Variants in GPC5 observed in about 807,000 individuals in gnomAD.
GPC5 encodes the protein glypican 5.
Under a neutral mutation model 53.9 loss-of-function variants are expected in GPC5, and 47 were observed. The observed-to-expected ratio is 0.87, with a 90% CI of 0.69 to 1.11. GPC5 has a LOEUF of 1.11. GPC5 is among the 50% of genes most tolerant of loss of function. The probability of loss-of-function intolerance (pLI) is 0.00; values close to 1 mark genes in which losing one functional copy is unlikely to be tolerated. For synonymous variants in GPC5, 286 were observed against 263.3 expected, an observed-to-expected ratio of 1.09 and a Z score of -0.84; for missense variants, 748 against 713.1, an observed-to-expected ratio of 1.05 and a Z score of -0.56.
chr13:91,882,240 A>G (rs951510865), intron 5 of GPC5, among the ~76,000 whole-genome samples: 2 of 152,086 alleles, frequency 1.3e-5, no homozygotes, highest in Non-Finnish European at 2.9e-5. Flanking sequence ...AAAAATATAT[A>G]TTGAGGTTTT....
At chr13:91,678,810 T>A (rs900108392) in intron 2 of GPC5, among the ~76,000 whole-genome samples, 1 of 152,030 alleles carries the variant, frequency 6.6e-6, no homozygotes, top group African/African-American at 2.4e-5. Context: ...GTTATCATTA[T>A]GTAATTTGAG....
intron 7 of GPC5, among the ~76,000 whole-genome samples, chr13:92,645,525 C>T (rs563905595): frequency 3.3e-5 from 5 of 152,188 alleles, no homozygotes; most frequent in South Asian, 2.1e-4. Context: ...ATATGTATTA[C>T]GTTTTCCTTG....
In GPC5 at chr13:91,604,697, T is replaced by C. The variant is rs1300078050; in HGVS notation, c.326-88490T>C. ...GTGGTTTTGATTTGCATTTCTCTGA[T>C]GGCCAGTGATGATGAGCATTTTTTC... On this transcript the variant is annotated intron_variant, in intron 2 of 7. Coordinates refer to ENST00000377067, the MANE Select transcript of GPC5 (RefSeq NM_004466.6). 6.0e-3 allele frequency among the ~76,000 whole-genome samples: 790 copies of C among 132,338 alleles called. 5 individuals carry two copies. The highest frequency in any genetic ancestry group is 0.023 in the African/African-American group (763 of 32,760). 86.8% of individuals were successfully genotyped at this position (132,338 alleles called of 152,430 possible). A position where few individuals can be genotyped will look rare whatever the true frequency, so the allele number is the denominator to read the frequency against.
chr13:92,009,456 C>A, intron 6 of GPC5, among the ~76,000 whole-genome samples: 1 of 152,116 alleles, frequency 6.6e-6, no homozygotes, highest in African/African-American at 2.4e-5. Context: ...ACTCTACTAA[C>A]TATTCAATGA....
chr13:91,807,986 A>G (rs1049106294), intron 5 of GPC5, among the ~76,000 whole-genome samples: 2 of 152,144 alleles, frequency 1.3e-5, no homozygotes, highest in Non-Finnish European at 2.9e-5. Context: ...TTCACTGTTG[A>G]ATGTATTTGG....
At chr13:92,042,244 A>G (rs892731688) in intron 6 of GPC5, among the ~76,000 whole-genome samples, 25 of 152,122 alleles carry the variant, frequency 1.6e-4, no homozygotes, top group African/African-American at 1.2e-4. Flanking sequence ...GTTTTTGGCT[A>G]CAAGCTGGAC....
intron 7 of GPC5, chr13:92,239,829 A>ATAGATCACCTAAG: frequency 3.2e-5 from 1 of 31,140 alleles, no homozygotes; most frequent in Admixed American, 3.7e-4. Flanking sequence ...AGTATATTTA[A>ATAGATCACCTAAG]ATATGCATTT....
chr13:91,672,436 G>A (rs342681), intron 2 of GPC5, among the ~76,000 whole-genome samples: 33,849 of 151,866 alleles, frequency 0.22, 5,071 homozygotes, highest in African/African-American at 0.43. Context: ...ATATGAACAG[G>A]CACTTCTCAA....
intron 6 of GPC5, among the ~76,000 whole-genome samples, chr13:92,104,743 A>C (rs1270440130): frequency 6.6e-6 from 1 of 152,166 alleles, no homozygotes; most frequent in Non-Finnish European, 1.5e-5. Context: ...TTTGTGCCTC[A>C]GAGGTCCTTA....
Position 92,071,777 on chromosome 13 carries a change from A to G in GPC5, c.1402-73053A>G, listed in dbSNP as rs11843058. ...TTTATATGTTTTTTCAAGAGAAAAG[A>G]CACAATTTTTTTTATCCAATGTGCC... On this transcript the variant is annotated intron_variant, in intron 6 of 7. Transcript: ENST00000377067. Among the ~76,000 whole-genome samples the G allele has an allele frequency of 2.0e-3, 306 of 150,394 alleles. 2 individuals are homozygous for G. Among genetic ancestry groups the G allele is most frequent in the African/African-American group, 7.0e-3 (290 of 41,244 alleles).
intron 4 of GPC5, among the ~76,000 whole-genome samples, chr13:91,738,857 A>G (rs1291355850): frequency 6.6e-6 from 1 of 151,316 alleles, no homozygotes; most frequent in Non-Finnish European, 1.5e-5. Context: ...ATATTTTCAC[A>G]ATCCCCAGGA....
intron 2 of GPC5, among the ~76,000 whole-genome samples, chr13:91,536,189 T>C (rs1016981976): frequency 1.3e-5 from 2 of 152,196 alleles, no homozygotes; most frequent in Non-Finnish European, 2.9e-5. Context: ...AATTTGCTCC[T>C]CTATAAAAAC....
At chr13:92,004,438 C>T (rs1358678041) in intron 6 of GPC5, among the ~76,000 whole-genome samples, 43 of 55,682 alleles carry the variant, frequency 7.7e-4, no homozygotes, top group African/African-American at 3.6e-3. Flanking sequence ...AGTGAGACTC[C>T]GTCTCAAAAA....
rs117938491 is a variant in GPC5 at position 91,517,284 on chromosome 13, C to A, written c.325+68362C>A. On this transcript the variant is annotated intron_variant, in intron 2 of 7. Transcript: ENST00000377067. ...AATGCCTTTAACAGCACCCAAATCACATCTTCAGTGCTTTGCTGCTCAGAA... is the reference window on the plus strand; with the variant it reads ...AATGCCTTTAACAGCACCCAAATCAAATCTTCAGTGCTTTGCTGCTCAGAA... Among the ~76,000 whole-genome samples, 25 of 152,340 alleles carry A rather than the reference C, an allele frequency of 1.6e-4. No individual in the cohort carries two copies. In the East Asian group the frequency reaches 4.8e-3, roughly 29 times the overall value.
chr13:92,629,870 G>A (rs1258699186), intron 7 of GPC5, among the ~76,000 whole-genome samples: 1 of 152,138 alleles, frequency 6.6e-6, no homozygotes, highest in African/African-American at 2.4e-5. Context: ...CGATTTTTCT[G>A]TAATTCTGTT....
intron 7 of GPC5, among the ~76,000 whole-genome samples, chr13:92,564,687 T>C (rs1490314801): frequency 6.6e-6 from 1 of 151,994 alleles, no homozygotes. Flanking sequence ...CTCTCCTCCC[T>C]CTAGCAGACC....
intron 7 of GPC5, among the ~76,000 whole-genome samples, chr13:92,647,870 G>A (rs1464488216): frequency 6.6e-6 from 1 of 151,900 alleles, no homozygotes; most frequent in Non-Finnish European, 1.5e-5. Context: ...GTGTCTGTTA[G>A]GGGTCCAGGC....
intron 6 of GPC5, among the ~76,000 whole-genome samples, chr13:92,076,391 T>C (rs1194921912): frequency 6.6e-6 from 1 of 152,114 alleles, no homozygotes; most frequent in Non-Finnish European, 1.5e-5. Context: ...TTTCATAGTT[T>C]CTTATTTATC....
Position 91,899,671 on chromosome 13 carries a change from G to A in GPC5, c.1281-8266G>A, listed in dbSNP as rs560913583. ...GATGAGGTCATCCTGGATGAAGGTG[G>A]GCCCTAAATCCAATGTAAATGTCCT... On this transcript the variant is annotated intron_variant, in intron 5 of 7. Transcript: ENST00000377067. Among the ~76,000 whole-genome samples the A allele has an allele frequency of 6.6e-5, 10 of 152,148 alleles. No individual in the cohort carries two copies. In the South Asian group the frequency reaches 2.1e-3, roughly 32 times the overall value.
Sources: gnomAD v4.1 joint callset for allele counts (sites outside exome capture counted in the v4.1 genomes callset) on GRCh38, gnomAD v4.1.1 for gene constraint, MANE v1.5 for transcripts, NCBI Gene and HGNC (gene_info 2026-07-23, HGNC 2026-07-21) for gene names.